DNM3: variants seen among roughly 807,000 people sequenced by gnomAD.
The protein encoded by DNM3 is dynamin-3.
Under a neutral mutation model 101.6 loss-of-function variants are expected in DNM3, and 47 were observed. That is an observed-to-expected ratio of 0.46 (90% CI 0.37 to 0.59). DNM3 has a LOEUF of 0.59. DNM3 is among the 20% of genes least tolerant of loss of function. The pLI, the probability that DNM3 is intolerant of heterozygous loss-of-function variation, is 0.00. For missense variants in DNM3, 849 were observed against 1,085.7 expected, an observed-to-expected ratio of 0.78 and a Z score of 3.06; for synonymous variants, 385 against 387.9, an observed-to-expected ratio of 0.99 and a Z score of 0.09.
chr1:171,841,922 C>T (rs1441706956), intron 1 of DNM3, 105 bp downstream of exon 1: 3 of 1,385,868 alleles, frequency 2.2e-6, no homozygotes, highest in Non-Finnish European at 2.8e-6. Context: ...ATGGACCAGG[C>T]GCTGCGGTGG....
At position 172,410,910 on chromosome 1, in the gene DNM3, G is replaced by A; in HGVS notation, c.*3069G>A. 2 of 985,186 alleles carry A rather than the reference G, an allele frequency of 2.0e-6. No homozygotes were observed. The highest frequency in any genetic ancestry group is 4.7e-5 in the South Asian group (1 of 21,292). 61.0% of individuals were successfully genotyped at this position (985,186 alleles called of 1,614,324 possible). A position where few individuals can be genotyped will look rare whatever the true frequency, so the allele number is the denominator to read the frequency against. ...ATACCAGTATGTGATAAATGTTGAT[G>A]TTTTCTGTGTACAAACACATTTTCT... On this transcript the variant is annotated 3_prime_UTR_variant, in exon 21 of 21. Coordinates refer to ENST00000627582, the MANE Select transcript of DNM3 (RefSeq NM_015569.5).
At chr1:171,953,553 G>A (rs1212493016) in intron 2 of DNM3, among the ~76,000 whole-genome samples, 4 of 151,040 alleles carry the variant, frequency 2.6e-5, no homozygotes, top group African/African-American at 7.3e-5. Context: ...TCAGCCTCCC[G>A]AGTAGCTGGG....
At chr1:172,132,062 C>G (rs75847308) in intron 14 of DNM3, among the ~76,000 whole-genome samples, 3,305 of 152,232 alleles carry the variant, frequency 0.022, 112 homozygotes, top group African/African-American at 0.072. Context: ...ACCTGATAAT[C>G]TTTTGGTACT....
intron 14 of DNM3, among the ~76,000 whole-genome samples, chr1:172,150,809 C>G (rs1032349291): frequency 6.6e-6 from 1 of 152,170 alleles, no homozygotes; most frequent in Non-Finnish European, 1.5e-5. Flanking sequence ...AGGGCCTGGC[C>G]CAGAGCTAAG....
intron 14 of DNM3, among the ~76,000 whole-genome samples, chr1:172,247,496 A>G (rs1350989869): frequency 2.6e-5 from 4 of 152,112 alleles, no homozygotes; most frequent in African/African-American, 4.8e-5. Flanking sequence ...AAAGATTGTC[A>G]TGTTTCAGAA....
At chr1:172,081,404 G>T (rs2053136077) in intron 11 of DNM3, among the ~76,000 whole-genome samples, 1 of 152,200 alleles carries the variant, frequency 6.6e-6, no homozygotes, top group African/African-American at 2.4e-5. Context: ...AAAAAAAGAG[G>T]TGAATTACTA....
At chr1:172,298,929 T>C (rs1048123461) in intron 15 of DNM3, among the ~76,000 whole-genome samples, 2 of 151,744 alleles carry the variant, frequency 1.3e-5, no homozygotes, top group Non-Finnish European at 2.9e-5. Context: ...GAAAAACAGA[T>C]GCATAATTCT....
chr1:172,044,409 C>T lies in DNM3; in HGVS notation c.1153C>T (p.Arg385Ter), dbSNP rs753011365. ...VKMEFNEKEL[R>*]REISYAIKNI... ...GATGGAGTTCAATGAGAAAGAATTG[C>T]GAAGAGAAATAAGCTATGCAATCAA... is the stretch of plus-strand genomic sequence containing the variant. The change falls in exon 9 of 21, where the codon CGA becomes TGA. Residue 385 changes from arginine to a stop codon, truncating the protein, a stop_gained. Transcript: ENST00000627582. LOFTEE classifies it high-confidence loss of function. 2.5e-6 allele frequency: 4 copies of T among 1,607,954 alleles called. No homozygotes were observed. Among genetic ancestry groups the T allele is most frequent in the Admixed American group, 1.7e-5 (1 of 59,336 alleles).
intron 14 of DNM3, among the ~76,000 whole-genome samples, chr1:172,237,568 A>G (rs895515869): frequency 6.6e-6 from 1 of 152,130 alleles, no homozygotes; most frequent in East Asian, 1.9e-4. Context: ...TTCTAAATCA[A>G]TATCTCTAAA....
chr1:172,286,931 A>G (rs965176765), intron 15 of DNM3, among the ~76,000 whole-genome samples: 1 of 152,222 alleles, frequency 6.6e-6, no homozygotes, highest in African/African-American at 2.4e-5. Flanking sequence ...AGTAATCACA[A>G]CCACAGCTGA....
chr1:172,015,630 ACT>A (rs751062986), intron 4 of DNM3, among the ~76,000 whole-genome samples: 1 of 151,776 alleles, frequency 6.6e-6, no homozygotes, highest in Non-Finnish European at 1.5e-5. Flanking sequence ...TATTCTGTAA[ACT>A]CTCTATAATT....
intron 6 of DNM3, among the ~76,000 whole-genome samples, chr1:172,033,618 T>C (rs964692059): frequency 5.3e-5 from 8 of 152,186 alleles, no homozygotes; most frequent in African/African-American, 1.9e-4. Flanking sequence ...GGATCTGTTT[T>C]TGAAGCACCA....
intron 2 of DNM3, among the ~76,000 whole-genome samples, chr1:171,938,878 A>G (rs1300293775): frequency 6.6e-6 from 1 of 152,160 alleles, no homozygotes; most frequent in African/African-American, 2.4e-5. Context: ...GACCTACTTT[A>G]AATCTTATTT....
chr1:172,121,313 G>A (rs1478905790), intron 13 of DNM3, among the ~76,000 whole-genome samples: 4 of 152,226 alleles, frequency 2.6e-5, no homozygotes, highest in Non-Finnish European at 5.9e-5. Context: ...CTCACTCTTA[G>A]TGAACTCTTA....
intron 14 of DNM3, among the ~76,000 whole-genome samples, chr1:172,247,746 G>A (rs377650460): frequency 1.4e-4 from 21 of 151,628 alleles, no homozygotes; most frequent in African/African-American, 4.3e-4. Flanking sequence ...GTGCAATGGC[G>A]TGATCTCGGC....
chr1:172,136,302 A>T (rs2057224536), intron 14 of DNM3, among the ~76,000 whole-genome samples: 1 of 152,190 alleles, frequency 6.6e-6, no homozygotes, highest in Non-Finnish European at 1.5e-5. Context: ...TGACAGTTAT[A>T]TCCCTGGATG....
chr1:172,200,202 A>AT (rs1455962481), intron 14 of DNM3, among the ~76,000 whole-genome samples: 2 of 151,942 alleles, frequency 1.3e-5, no homozygotes, highest in African/African-American at 4.8e-5. Flanking sequence ...TTGGTTGAAG[A>AT]TTTTTTCTTT....
At chr1:172,113,159 A>G (rs1391057247) in intron 13 of DNM3, among the ~76,000 whole-genome samples, 1 of 152,224 alleles carries the variant, frequency 6.6e-6, no homozygotes, top group African/African-American at 2.4e-5. Flanking sequence ...TAAGAAAGTC[A>G]AATTGGAAAG....
At chr1:172,163,901 A>ATGTGTATATATGTATATATG (rs1434917895) in intron 14 of DNM3, among the ~76,000 whole-genome samples, 18 of 30,748 alleles carry the variant, frequency 5.9e-4, no homozygotes, top group African/African-American at 4.4e-3. Flanking sequence ...GTATATATGC[A>ATGTGTATATATGTATATATG]CATGTGTATA....
Sources: allele counts gnomAD v4.1 joint callset (sites outside exome capture counted in the v4.1 genomes callset), GRCh38; gene constraint gnomAD v4.1.1; transcripts MANE v1.5; gene names NCBI Gene and HGNC (gene_info 2026-07-23, HGNC 2026-07-21).